Variants in PCDHGB1 observed in about 807,000 individuals in gnomAD.
The protein encoded by PCDHGB1 is protocadherin gamma-B1.
Under a neutral mutation model 56.6 loss-of-function variants are expected in PCDHGB1, and 34 were observed. The observed-to-expected ratio is 0.60, with a 90% CI of 0.46 to 0.80. The LOEUF (loss-of-function observed/expected upper bound fraction) is 0.80, where lower values mean the gene tolerates loss of function less well. PCDHGB1 is among the 30% of genes least tolerant of loss of function. The pLI, the probability that PCDHGB1 is intolerant of heterozygous loss-of-function variation, is 0.00. For missense variants in PCDHGB1, 1,278 were observed against 1,204.6 expected, an observed-to-expected ratio of 1.06 and a Z score of -0.90; for synonymous variants, 561 against 505.9, an observed-to-expected ratio of 1.11 and a Z score of -1.46.
intron 2 of PCDHGB1, among the ~76,000 whole-genome samples, chr5:141,503,361 C>T (rs1021880248): frequency 6.6e-6 from 1 of 151,886 alleles, no homozygotes; most frequent in Non-Finnish European, 1.5e-5. Context: ...CTTTGGGAAG[C>T]GGAGGCAGGT....
At chr5:141,484,801 A>G (rs1285617622) in intron 1 of PCDHGB1, among the ~76,000 whole-genome samples, 3 of 152,024 alleles carry the variant, frequency 2.0e-5, no homozygotes, top group African/African-American at 7.2e-5. Flanking sequence ...CAACCCGTGG[A>G]AAAACATGCC....
chr5:141,366,376 T>C, intron 1 of PCDHGB1: 1 of 1,614,132 alleles, frequency 6.2e-7, no homozygotes, highest in Middle Eastern at 1.6e-4. Context: ...AGACCCCCAT[T>C]GACCCTGAGG....
chr5:141,476,346 T>G lies in PCDHGB1; in HGVS notation c.2410-18461T>G, dbSNP rs1239836597. On this transcript the variant is annotated intron_variant, in intron 1 of 3. Coordinates refer to ENST00000523390, the MANE Select transcript of PCDHGB1 (RefSeq NM_018922.3). The surrounding 1 kb of genome is among the most constrained non-coding windows in gnomAD (Gnocchi z 7.6). The stretch of plus-strand genomic sequence containing the variant: ...GTGTCTGGAGCTAGCCGAAGATTCT[T>G]TGAGGTGAACCGGGAGACCGGAGAG... 2.5e-6 allele frequency: 4 copies of G among 1,613,932 alleles called. No individual in the cohort carries two copies. Among genetic ancestry groups the G allele is most frequent in the Non-Finnish European group, 3.4e-6 (4 of 1,180,022 alleles).
chr5:141,466,799 C>T (rs1049340129), intron 1 of PCDHGB1, among the ~76,000 whole-genome samples: 1 of 152,056 alleles, frequency 6.6e-6, no homozygotes, highest in African/African-American at 2.4e-5. Flanking sequence ...CAAACTAGAT[C>T]CTATTCAGAC....
intron 1 of PCDHGB1, among the ~76,000 whole-genome samples, chr5:141,450,233 G>A (rs2098674391): frequency 6.6e-6 from 1 of 152,026 alleles, no homozygotes; most frequent in Non-Finnish European, 1.5e-5. Flanking sequence ...GGCCAGGCTA[G>A]TCTTGAACTC....
chr5:141,357,520 A>G (rs1385888132), intron 1 of PCDHGB1: 2 of 1,614,216 alleles, frequency 1.2e-6, no homozygotes, highest in Non-Finnish European at 1.7e-6. Flanking sequence ...CTCCCAACCC[A>G]GCTATGCAGA....
chr5:141,420,364 A>G (rs942479456), intron 1 of PCDHGB1: 8 of 1,368,440 alleles, frequency 5.8e-6, no homozygotes, highest in African/African-American at 3.0e-5. Flanking sequence ...ATTCTAGATA[A>G]CTTCTTCATA....
At chr5:141,422,705 C>A in intron 1 of PCDHGB1, 1 of 1,602,702 alleles carries the variant, frequency 6.2e-7, no homozygotes, top group East Asian at 2.2e-5. Flanking sequence ...TACTCTCTGA[C>A]GGATGACACT....
At chr5:141,383,625 C>T (rs754758092) in intron 1 of PCDHGB1, 32 of 1,613,930 alleles carry the variant, frequency 2.0e-5, no homozygotes, top group Non-Finnish European at 2.7e-5. Context: ...CGCCTGTCTT[C>T]TCTCTGCCTC....
At chr5:141,457,820 C>CTCAG (rs2098930320) in intron 1 of PCDHGB1, among the ~76,000 whole-genome samples, 1 of 152,198 alleles carries the variant, frequency 6.6e-6, no homozygotes, top group African/African-American at 2.4e-5. Flanking sequence ...CCAAGATAAA[C>CTCAG]TCAGAGCTTC....
chr5:141,445,708 G>A (rs2098475030), intron 1 of PCDHGB1, among the ~76,000 whole-genome samples: 1 of 152,168 alleles, frequency 6.6e-6, no homozygotes, highest in African/African-American at 2.4e-5. Flanking sequence ...AAATTGTCAG[G>A]CAGAGGAAAT....
intron 1 of PCDHGB1, chr5:141,419,045 T>G (rs1473408777): frequency 6.2e-7 from 1 of 1,613,710 alleles, no homozygotes; most frequent in Non-Finnish European, 8.5e-7. Context: ...TAAGATTCAT[T>G]CTTCTTCTAA....
At chr5:141,428,241 A>C (rs1416124194) in intron 1 of PCDHGB1, 1 of 961,518 alleles carries the variant, frequency 1.0e-6, no homozygotes, top group Admixed American at 2.0e-5. Flanking sequence ...TGCAGGAGGC[A>C]CTGCCAGACT....
intron 1 of PCDHGB1, among the ~76,000 whole-genome samples, chr5:141,397,322 AATT>A (rs1264296504): frequency 6.6e-6 from 1 of 152,188 alleles, no homozygotes; most frequent in Non-Finnish European, 1.5e-5. Flanking sequence ...AGTAAAGAAA[AATT>A]ATTTTTATAA....
chr5:141,421,665 C>G (rs1227312221), intron 1 of PCDHGB1: 4 of 1,613,854 alleles, frequency 2.5e-6, no homozygotes, highest in Non-Finnish European at 2.5e-6. Flanking sequence ...TCAGTGAGCA[C>G]GCAATTCCTG....
At chr5:141,357,636 T>C (rs1760683281) in intron 1 of PCDHGB1, 6 of 1,612,636 alleles carry the variant, frequency 3.7e-6, no homozygotes, top group Non-Finnish European at 4.2e-6. Flanking sequence ...GTCAATCTTA[T>C]AATAGATCAT....
chr5:141,491,980 C>A lies in PCDHGB1; in HGVS notation c.2410-2827C>A. On this transcript the variant is annotated intron_variant, in intron 1 of 3. Coordinates refer to ENST00000523390, the MANE Select transcript of PCDHGB1 (RefSeq NM_018922.3). This position sits in a 1 kb window ranked among gnomAD's most constrained non-coding sequence, Gnocchi z 6.9. ...AAAAAAGGCCGGGGCCTCCTTCGAGCTTCCGGTGAATTTCGGGCGATTTCC... is the reference window on the plus strand; with the variant it reads ...AAAAAAGGCCGGGGCCTCCTTCGAGATTCCGGTGAATTTCGGGCGATTTCC... 1.3e-6 allele frequency: 1 copy of A among 784,426 alleles called. No homozygotes were observed. Among genetic ancestry groups the A allele is most frequent in the Non-Finnish European group, 1.9e-6 (1 of 530,582 alleles). The allele number at this position is 784,426 out of a possible 1,614,324, so 48.6% of individuals were successfully genotyped here.
intron 1 of PCDHGB1, chr5:141,402,918 A>G: frequency 6.4e-7 from 1 of 1,570,054 alleles, no homozygotes; most frequent in Non-Finnish European, 8.6e-7. Context: ...GCGCGCACAG[A>G]GATCCTTTTG....
rs765047622 is a variant in PCDHGB1 at position 141,486,776 on chromosome 5, G to A, written c.2410-8031G>A. On this transcript the variant is annotated intron_variant, in intron 1 of 3. Coordinates refer to ENST00000523390, the MANE Select transcript of PCDHGB1 (RefSeq NM_018922.3). This position sits in a 1 kb window ranked among gnomAD's most constrained non-coding sequence, Gnocchi z 5.0. ...GCAAACCCAGACACTGCAGTTTGAGGTGCAGGCCCGGGATCGGGGCAACCC... is the reference window on the plus strand; with the variant it reads ...GCAAACCCAGACACTGCAGTTTGAGATGCAGGCCCGGGATCGGGGCAACCC... 1.2e-6 allele frequency: 2 copies of A among 1,614,254 alleles called. No individual in the cohort carries two copies. Among genetic ancestry groups the A allele is most frequent in the Non-Finnish European group, 1.7e-6 (2 of 1,180,050 alleles).
Sources: gnomAD v4.1 joint callset for allele counts (sites outside exome capture counted in the v4.1 genomes callset) on GRCh38, gnomAD v4.1.1 for gene constraint, Gnocchi (gnomAD v3.1) non-coding constraint, MANE v1.5 for transcripts, NCBI Gene and HGNC (gene_info 2026-07-23, HGNC 2026-07-21) for gene names.